L3MBTL2: variants seen among roughly 807,000 people sequenced by gnomAD.
L3MBTL2 encodes the protein L3MBTL histone methyl-lysine binding protein 2.
In L3MBTL2, 49 loss-of-function variants were observed where a neutral mutation model predicts 86.4. The ratio of observed to expected loss-of-function variants is 0.57; its 90% CI spans 0.45 to 0.72. L3MBTL2 has a LOEUF of 0.72. L3MBTL2 is among the 30% of genes least tolerant of loss of function. The pLI is 0.00. For missense variants in L3MBTL2, 755 were observed against 923.7 expected (o/e 0.82, Z 2.37); for synonymous variants, 336 against 350.6 (o/e 0.96, Z 0.47).
In L3MBTL2 at chr22:41,216,234, G is replaced by T; in HGVS notation, c.492G>T (p.Leu164=). 6.2e-7 allele frequency: 1 copy of T among 1,614,120 alleles called. No homozygotes were observed. The highest frequency in any genetic ancestry group is 8.5e-7 in the Non-Finnish European group (1 of 1,179,988). The change falls in exon 4 of 17, where the codon CTG becomes CTT. Residue 164 remains leucine (L), a synonymous_variant. Transcript: ENST00000216237. The part of the protein sequence containing the change: ...AFLHSQGTGQ[L]ADGTPTGQDA... ...TCCACTCTCAAGGGACAGGACAGCT[G>T]GCAGATGGGACACCAACAGGACAAG...
intron 1 of L3MBTL2, chr22:41,208,358 G>A (rs954087663): frequency 4.6e-6 from 2 of 438,486 alleles, no homozygotes; most frequent in African/African-American, 4.1e-5. Flanking sequence ...TCAAACTCCT[G>A]GGTTCAAGCA....
intron 8 of L3MBTL2, among the ~76,000 whole-genome samples, chr22:41,221,710 C>T (rs1422746134): frequency 1.3e-5 from 2 of 149,676 alleles, no homozygotes; most frequent in Non-Finnish European, 3.0e-5. Context: ...GGGTTCACGC[C>T]ATTCTCCTGC....
At chr22:41,218,105 C>T (rs2031534155) in intron 5 of L3MBTL2, 1 of 152,258 alleles carries the variant, frequency 6.6e-6, no homozygotes, top group Admixed American at 6.5e-5. Flanking sequence ...AAAGCCTGCC[C>T]CTGCGTGCCT....
At chr22:41,226,074 T>G in intron 12 of L3MBTL2, 133 bp downstream of exon 12, 1 of 928,028 alleles carries the variant, frequency 1.1e-6, no homozygotes, top group South Asian at 1.7e-5. Context: ...GTCAGGAGTT[T>G]GAGACCAGCC....
At position 41,205,478 on chromosome 22, in the gene L3MBTL2, AGGGTGGAGGGTGG is replaced by A. The variant is rs2030131134; in HGVS notation, c.24+94_24+106del. The A allele has an allele frequency of 2.2e-6, 3 of 1,395,150 alleles. No individual in the cohort carries two copies. In the East Asian group the frequency reaches 6.8e-5, roughly 32 times the overall value. The allele number at this position is 1,395,150 out of a possible 1,614,324, so 86.4% of individuals were successfully genotyped here. A position where few individuals can be genotyped will look rare whatever the true frequency, so the allele number is the denominator to read the frequency against. ...CTTTAGGGCTTTTAGCGACGCCTGG[AGGGTGGAGGGTGG>A]GAGGATGGATAAACTGAGGTAGTTA... is the stretch of plus-strand genomic sequence containing the variant. On this transcript the variant is annotated intron_variant, in intron 1 of 16. Coordinates refer to ENST00000216237, the MANE Select transcript of L3MBTL2 (RefSeq NM_031488.5).
intron 2 of L3MBTL2, 120 bp from the exon 3 acceptor site, chr22:41,213,773 C>T: frequency 1.9e-6 from 2 of 1,061,684 alleles, no homozygotes; most frequent in East Asian, 2.4e-5. Context: ...ATTCCATTAG[C>T]CTTTGTGGGG....
intron 5 of L3MBTL2, chr22:41,217,562 C>T (rs1325613058): frequency 1.8e-5 from 4 of 221,956 alleles, no homozygotes; most frequent in East Asian, 2.7e-4. Context: ...GCCTGGGCCC[C>T]GTGGGCCCCG....
chr22:41,216,661 A>C (rs1169192118), intron 4 of L3MBTL2, among the ~76,000 whole-genome samples: 2 of 152,166 alleles, frequency 1.3e-5, no homozygotes, highest in African/African-American at 4.8e-5. Context: ...AAGCAAGTTA[A>C]ATGTATGCAT....
Position 41,227,748 on chromosome 22 carries a change from T to C in L3MBTL2, c.1823-56T>C. Reference sequence around the variant, plus strand: ...GGGGTCTCGGGATGCGCCTGTGCCCTGTGTCCTCCCAGGGACCCTCTTCTC... The same window carrying C: ...GGGGTCTCGGGATGCGCCTGTGCCCCGTGTCCTCCCAGGGACCCTCTTCTC... On this transcript the variant is annotated intron_variant, in intron 14 of 16. Coordinates refer to ENST00000216237, the MANE Select transcript of L3MBTL2 (RefSeq NM_031488.5). The surrounding 1 kb of genome is among the most constrained non-coding windows in gnomAD (Gnocchi z 6.0). 1.9e-6 allele frequency: 3 copies of C among 1,612,124 alleles called. No homozygotes were observed. Among genetic ancestry groups the C allele is most frequent in the Non-Finnish European group, 8.5e-7 (1 of 1,178,934 alleles).
At position 41,230,443 on chromosome 22, in the gene L3MBTL2, C is replaced by T. The variant is rs2032524294; in HGVS notation, c.*192C>T. 5.1e-6 allele frequency: 3 copies of T among 589,022 alleles called. No individual in the cohort carries two copies. The highest frequency in any genetic ancestry group is 9.0e-6 in the Non-Finnish European group (3 of 331,772). The allele number at this position is 589,022 out of a possible 1,614,324, so 36.5% of individuals were successfully genotyped here. A position where few individuals can be genotyped will look rare whatever the true frequency, so the allele number is the denominator to read the frequency against. ...GACCCGCCTGTTGCTTCTGCCCTCC[C>T]CTGTGGAAAGGTCTATATGACGGGC... On this transcript the variant is annotated 3_prime_UTR_variant, in exon 17 of 17. Coordinates refer to ENST00000216237, the MANE Select transcript of L3MBTL2 (RefSeq NM_031488.5).
At chr22:41,205,715 TACATG>T (rs1249262831) in intron 1 of L3MBTL2, among the ~76,000 whole-genome samples, 4 of 152,136 alleles carry the variant, frequency 2.6e-5, no homozygotes, top group Non-Finnish European at 5.9e-5. Flanking sequence ...TGAGGCCTGT[TACATG>T]AGGTGGGAAG....
rs1165275579 is a variant in L3MBTL2 at position 41,224,177 on chromosome 22, G to C, written c.1100G>C (p.Trp367Ser). ...YEDGDSDDDF[W>S]CHMWSPLIHP... is the part of the protein sequence containing the mutation. The stretch of plus-strand genomic sequence containing the variant: ...GATGGTGACAGTGACGACGACTTCT[G>C]GTGCCACATGTGGAGCCCCCTGATC... Residue 367 changes from tryptophan (W) to serine (S), a missense_variant, in exon 9 of 17, where the codon TGG (tryptophan) becomes TCG (serine). This residue lies in a region of L3MBTL2 where 634 missense variants were observed against 748.9 expected (regional missense o/e 0.85). Coordinates refer to ENST00000216237, the MANE Select transcript of L3MBTL2 (RefSeq NM_031488.5). This position sits in a 1 kb window ranked among gnomAD's most constrained non-coding sequence, Gnocchi z 4.9. 6.2e-7 allele frequency: 1 copy of C among 1,614,106 alleles called. No individual in the cohort carries two copies.
chr22:41,220,934 C>T (rs1009514095), intron 7 of L3MBTL2, 66 bp downstream of exon 7: 1 of 1,544,138 alleles, frequency 6.5e-7, no homozygotes, highest in Non-Finnish European at 8.9e-7. Context: ...GAGTCCTCTG[C>T]TTGTGTTAGG....
At chr22:41,221,823 T>G (rs1260933137) in intron 8 of L3MBTL2, among the ~76,000 whole-genome samples, 1 of 152,094 alleles carries the variant, frequency 6.6e-6, no homozygotes, top group African/African-American at 2.4e-5. Flanking sequence ...CAGGATGGTC[T>G]CAATCTCCTG....
intron 12 of L3MBTL2, among the ~76,000 whole-genome samples, 165 bp downstream of exon 12, chr22:41,226,106 G>A (rs1040968626): frequency 1.3e-5 from 2 of 152,120 alleles, no homozygotes; most frequent in African/African-American, 2.4e-5. Flanking sequence ...ACAAAACCTC[G>A]TCTCTACTAA....
intron 2 of L3MBTL2, among the ~76,000 whole-genome samples, chr22:41,210,519 C>G (rs2030667120): frequency 6.6e-6 from 1 of 152,220 alleles, no homozygotes; most frequent in Non-Finnish European, 1.5e-5. Context: ...TTAGGAGAGA[C>G]AGGGTTTCAC....
intron 15 of L3MBTL2, among the ~76,000 whole-genome samples, chr22:41,228,837 G>T (rs2032375235): frequency 7.0e-6 from 1 of 142,114 alleles, no homozygotes. Context: ...GCGGAAGAGG[G>T]AAACTCCATC....
intron 1 of L3MBTL2, among the ~76,000 whole-genome samples, chr22:41,206,660 G>A (rs1343261696): frequency 1.3e-5 from 2 of 152,030 alleles, no homozygotes; most frequent in Non-Finnish European, 2.9e-5. Flanking sequence ...TTAGCCGGGC[G>A]TGGTGGCAGG....
At position 41,224,234 on chromosome 22, in the gene L3MBTL2, A is replaced by G; in HGVS notation, c.1157A>G (p.His386Arg). The G allele has an allele frequency of 6.2e-7, 1 of 1,611,856 alleles. No homozygotes were observed. The highest frequency in any genetic ancestry group is 8.5e-7 in the Non-Finnish European group (1 of 1,178,282). Reference sequence around the variant, plus strand: ...GTGGGTTGGTCACGACGTGTGGGCCACGGCATCAAGATGTCAGGTTAGCAG... The same window carrying G: ...GTGGGTTGGTCACGACGTGTGGGCCGCGGCATCAAGATGTCAGGTTAGCAG... ...HPVGWSRRVGHGIKMSERRSD... is the reference protein window; with the variant it reads ...HPVGWSRRVGRGIKMSERRSD... Residue 386 changes from histidine to arginine, a missense_variant, in exon 9 of 17, where the codon CAC (histidine) becomes CGC (arginine). Transcript: ENST00000216237. The surrounding 1 kb of genome is among the most constrained non-coding windows in gnomAD (Gnocchi z 4.9).
Sources: gnomAD v4.1 joint callset for allele counts (sites outside exome capture counted in the v4.1 genomes callset) on GRCh38, gnomAD v4.1.1 for gene constraint, gnomAD v4.1.1 regional missense constraint, Gnocchi (gnomAD v3.1) non-coding constraint, MANE v1.5 for transcripts, NCBI Gene and HGNC (gene_info 2026-07-23, HGNC 2026-07-21) for gene names.